NAALADL2: variants seen among roughly 807,000 people sequenced by gnomAD.
NAALADL2 encodes inactive N-acetylated-alpha-linked acidic dipeptidase-like protein 2.
Under a neutral mutation model 87.2 loss-of-function variants are expected in NAALADL2, and 76 were observed. The ratio of observed to expected loss-of-function variants is 0.87; its 90% CI spans 0.72 to 1.05. The LOEUF is 1.05. Among genes scored for constraint, NAALADL2 ranks in the 50% least tolerant of loss-of-function variants. The pLI is 0.00. For synonymous variants in NAALADL2, 354 were observed against 331.0 expected (o/e 1.07, Z -0.75); for missense variants, 1,089 against 945.8 (o/e 1.15, Z -1.99).
chr3:175,604,009 A>ACAG (rs1255833642), intron 10 of NAALADL2, among the ~76,000 whole-genome samples: 2 of 152,144 alleles, frequency 1.3e-5, no homozygotes, highest in Non-Finnish European at 2.9e-5. Context: ...AACAACAACA[A>ACAG]CAACAAATAT....
Position 175,059,155 on chromosome 3 carries a change from G to GT in NAALADL2, c.44-37634dup, listed in dbSNP as rs920014631. Among the ~76,000 whole-genome samples the GT allele has an allele frequency of 3.2e-4, 48 of 150,106 alleles. 1 individual carries two copies. The highest frequency in any genetic ancestry group is 1.2e-4 in the Non-Finnish European group (8 of 68,008). On this transcript the variant is annotated intron_variant, in intron 1 of 13. Coordinates refer to ENST00000454872, the MANE Select transcript of NAALADL2 (RefSeq NM_207015.3). ...CTATTTTACCTGTTGCTGTGTGTACGTATTTCTTCATTTTTTTCTTTAAAC... is the reference window on the plus strand; with the variant it reads ...CTATTTTACCTGTTGCTGTGTGTACGTTATTTCTTCATTTTTTTCTTTAAAC...
intron 11 of NAALADL2, among the ~76,000 whole-genome samples, chr3:175,657,499 C>A (rs1405726665): frequency 6.6e-6 from 1 of 151,496 alleles, no homozygotes. Context: ...AAGAAAATTT[C>A]TACTTGTTTG....
rs1234470524 is a variant in NAALADL2 at position 175,436,363 on chromosome 3, C to G, written c.1091-10866C>G. ...TGATTTATGGTCTTTTGGGTATATA[C>G]CCACTAATGGGATGGCTGGGTCAAA... On this transcript the variant is annotated intron_variant, in intron 5 of 13. Coordinates refer to ENST00000454872, the MANE Select transcript of NAALADL2 (RefSeq NM_207015.3). Among the ~76,000 whole-genome samples, 7 of 149,336 alleles carry G rather than the reference C, an allele frequency of 4.7e-5. 1 individual carries two copies. The East Asian group carries it at 6.2e-4, about 13-fold the overall frequency.
At chr3:175,734,124 C>T (rs556567061) in intron 11 of NAALADL2, among the ~76,000 whole-genome samples, 10 of 152,316 alleles carry the variant, frequency 6.6e-5, no homozygotes, top group South Asian at 4.1e-4. Context: ...AGCTCCACTA[C>T]GTGGTGCCCC....
intron 1 of NAALADL2, among the ~76,000 whole-genome samples, chr3:174,483,544 G>A (rs547641984): frequency 5.9e-5 from 9 of 152,126 alleles, no homozygotes; most frequent in Non-Finnish European, 5.9e-5. Flanking sequence ...TTTGGATGGG[G>A]ACACAAAGCC....
chr3:175,723,712 A>G (rs1333091986), intron 11 of NAALADL2, among the ~76,000 whole-genome samples: 1 of 152,140 alleles, frequency 6.6e-6, no homozygotes, highest in Non-Finnish European at 1.5e-5. Context: ...GAAGGAAGAA[A>G]GGGATCCCTT....
intron 2 of NAALADL2, among the ~76,000 whole-genome samples, chr3:174,704,323 T>G (rs1200447790): frequency 6.6e-6 from 1 of 152,180 alleles, no homozygotes; most frequent in Non-Finnish European, 1.5e-5. Flanking sequence ...CATCAGACAG[T>G]ATTCTATGGT....
chr3:175,215,347 C>T (rs1229542144), intron 2 of NAALADL2, among the ~76,000 whole-genome samples: 1 of 152,134 alleles, frequency 6.6e-6, no homozygotes, highest in East Asian at 1.9e-4. Flanking sequence ...AACATCCCAG[C>T]ACTTGAATCA....
chr3:175,379,213 G>C lies in NAALADL2; in HGVS notation c.1090+54888G>C, dbSNP rs567271386. ...TCTCTTTTTTTTTTTTTTTCCTGTA[G>C]AATAGTCTTCTTTCATTATTTTCAG... is the stretch of plus-strand genomic sequence containing the variant. On this transcript the variant is annotated intron_variant, in intron 5 of 13. Coordinates refer to ENST00000454872, the MANE Select transcript of NAALADL2 (RefSeq NM_207015.3). Among the ~76,000 whole-genome samples, 18 of 146,166 alleles carry C rather than the reference G, an allele frequency of 1.2e-4. 1 individual carries two copies. Among genetic ancestry groups the C allele is most frequent in the African/African-American group, 3.5e-4 (14 of 39,506 alleles).
intron 3 of NAALADL2, among the ~76,000 whole-genome samples, chr3:175,254,826 A>G (rs143407408): frequency 1.8e-3 from 278 of 152,360 alleles, no homozygotes; most frequent in African/African-American, 6.4e-3. Context: ...TGATTTAATC[A>G]TTTTTAATAG....
intron 12 of NAALADL2, among the ~76,000 whole-genome samples, chr3:175,737,673 A>G (rs1311159246): frequency 8.9e-6 from 1 of 112,064 alleles, no homozygotes; most frequent in Non-Finnish European, 1.8e-5. Context: ...TTCTGTTATT[A>G]TTTACAGGTT....
intron 5 of NAALADL2, among the ~76,000 whole-genome samples, chr3:175,438,419 G>T (rs1329945386): frequency 6.6e-6 from 1 of 152,078 alleles, no homozygotes; most frequent in Non-Finnish European, 1.5e-5. Flanking sequence ...ATTTGTGCCA[G>T]TTATTTAATG....
chr3:174,522,790 C>T (rs1241427804), intron 1 of NAALADL2, among the ~76,000 whole-genome samples: 3 of 151,574 alleles, frequency 2.0e-5, no homozygotes, highest in South Asian at 2.1e-4. Flanking sequence ...AAAAATTAGC[C>T]GGGTGCGGTG....
At chr3:174,803,392 T>G (rs1719067887) in intron 3 of NAALADL2, among the ~76,000 whole-genome samples, 2 of 152,194 alleles carry the variant, frequency 1.3e-5, no homozygotes, top group Admixed American at 1.3e-4. Flanking sequence ...GCCAGATGGG[T>G]AGATTGGAAA....
chr3:175,425,321 A>C (rs1021675658), intron 5 of NAALADL2, among the ~76,000 whole-genome samples: 2 of 152,142 alleles, frequency 1.3e-5, no homozygotes, highest in African/African-American at 4.8e-5. Flanking sequence ...AAGATGCTCT[A>C]TTTTAATAGG....
intron 2 of NAALADL2, among the ~76,000 whole-genome samples, chr3:175,143,187 C>T (rs537781629): frequency 6.6e-6 from 1 of 152,060 alleles, no homozygotes; most frequent in East Asian, 1.9e-4. Flanking sequence ...CATGTTCATA[C>T]ACACACTCAC....
rs113280669 is a variant in NAALADL2 at position 175,250,698 on chromosome 3, C to A, written c.820-5713C>A. On this transcript the variant is annotated intron_variant, in intron 3 of 13. Coordinates refer to ENST00000454872, the MANE Select transcript of NAALADL2 (RefSeq NM_207015.3). ...TTGAATTCTAGTCATATAAGTTGGA[C>A]AGCTTCTTTTACCTCTCTGAGCATC... Among the ~76,000 whole-genome samples the A allele has an allele frequency of 2.3e-3, 355 of 152,274 alleles. 1 individual carries two copies. Among genetic ancestry groups the A allele is most frequent in the African/African-American group, 7.9e-3 (329 of 41,556 alleles).
chr3:175,376,925 G>C (rs897878917), intron 5 of NAALADL2, among the ~76,000 whole-genome samples: 1 of 151,648 alleles, frequency 6.6e-6, no homozygotes, highest in East Asian at 1.9e-4. Flanking sequence ...TTTTCATTTC[G>C]GGTATTCTGC....
intron 13 of NAALADL2, 119 bp from the exon 14 acceptor site, chr3:175,802,886 T>C (rs1017499857): frequency 4.5e-6 from 3 of 663,840 alleles, no homozygotes; most frequent in African/African-American, 3.8e-5. Flanking sequence ...TGATATTATA[T>C]TTTTATAATT....
Sources: gnomAD v4.1 joint callset for allele counts (sites outside exome capture counted in the v4.1 genomes callset) on GRCh38, gnomAD v4.1.1 for gene constraint, MANE v1.5 for transcripts, NCBI Gene and HGNC (gene_info 2026-07-23, HGNC 2026-07-21) for gene names.